Variants in LYPD6 observed in about 807,000 individuals in gnomAD.
The protein encoded by LYPD6 is ly6/PLAUR domain-containing protein 6.
LYPD6 carries 15 observed loss-of-function variants against 22.7 expected under a neutral mutation model. The ratio of observed to expected loss-of-function variants is 0.66; its 90% CI spans 0.44 to 1.02. The LOEUF (loss-of-function observed/expected upper bound fraction) is 1.02, where lower values mean the gene tolerates loss of function less well. LYPD6 is among the 50% of genes least tolerant of loss of function. The probability of loss-of-function intolerance (pLI) is 0.00; values close to 1 mark genes in which losing one functional copy is unlikely to be tolerated. For missense variants in LYPD6, 189 were observed against 208.4 expected (o/e 0.91, Z 0.57); for synonymous variants, 72 against 77.5 (o/e 0.93, Z 0.37).
intron 1 of LYPD6, among the ~76,000 whole-genome samples, chr2:149,359,577 G>A (rs1167677085): frequency 1.3e-5 from 2 of 152,172 alleles, no homozygotes; most frequent in African/African-American, 2.4e-5. Flanking sequence ...GCCCTGACTT[G>A]ACATCACTTG....
At chr2:149,394,223 G>C (rs1373290734) in intron 1 of LYPD6, among the ~76,000 whole-genome samples, 1 of 152,172 alleles carries the variant, frequency 6.6e-6, no homozygotes, top group African/African-American at 2.4e-5. Context: ...TTTTCCTCTG[G>C]ATGGAGGTGA....
intron 1 of LYPD6, among the ~76,000 whole-genome samples, chr2:149,402,769 G>A (rs1288187373): frequency 6.6e-6 from 1 of 151,552 alleles, no homozygotes; most frequent in African/African-American, 2.4e-5. Flanking sequence ...TAGGGTACAT[G>A]TGCACAACGT....
intron 1 of LYPD6, among the ~76,000 whole-genome samples, chr2:149,340,417 AC>A (rs1681138116): frequency 6.6e-6 from 1 of 152,180 alleles, no homozygotes; most frequent in Admixed American, 6.5e-5. Flanking sequence ...TTTTTCATCC[AC>A]AGGACTCTAC....
intron 1 of LYPD6, among the ~76,000 whole-genome samples, chr2:149,364,391 C>G (rs374045965): frequency 6.6e-6 from 1 of 152,086 alleles, no homozygotes; most frequent in Non-Finnish European, 1.5e-5. Flanking sequence ...CCTGACCAGA[C>G]CTGAATTCAT....
intron 1 of LYPD6, among the ~76,000 whole-genome samples, chr2:149,404,308 A>G (rs1026543279): frequency 6.6e-6 from 1 of 152,190 alleles, no homozygotes; most frequent in Admixed American, 6.5e-5. Context: ...CATTGAATCT[A>G]TAAATTACCT....
rs78787935 is a variant in LYPD6 at position 149,397,199 on chromosome 2, A to G, written c.-71-40439A>G. On this transcript the variant is annotated intron_variant, in intron 1 of 4. Transcript: ENST00000334166. ...ATGTATTATTATCTCTCATAGGTCT[A>G]TGAGTTGGCTGGGTTTAGCTGGGCA... is the stretch of plus-strand genomic sequence containing the variant. 1.3e-4 allele frequency among the ~76,000 whole-genome samples: 20 copies of G among 152,338 alleles called. No individual in the cohort carries two copies. In the East Asian group the frequency reaches 2.7e-3, roughly 21 times the overall value.
At chr2:149,404,034 C>T (rs569411320) in intron 1 of LYPD6, among the ~76,000 whole-genome samples, 45 of 152,172 alleles carry the variant, frequency 3.0e-4, no homozygotes, top group African/African-American at 1.1e-3. Flanking sequence ...TCAAAGATCA[C>T]ATAGTTGTAG....
rs1681335823 is a variant in LYPD6, at chr2:149,471,593, G to A, written c.*743G>A. On this transcript the variant is annotated 3_prime_UTR_variant, in exon 5 of 5. Coordinates refer to ENST00000334166, the MANE Select transcript of LYPD6 (RefSeq NM_194317.5). ...AATTGGTGAGATCAGCCTTCTCCTT[G>A]ACTTGGCACCTAATTATGCTTCATG... is the stretch of plus-strand genomic sequence containing the variant. 6.6e-6 allele frequency: 1 copy of A among 152,184 alleles called. No individual in the cohort carries two copies. The highest frequency in any genetic ancestry group is 1.5e-5 in the Non-Finnish European group (1 of 68,044). 9.4% of individuals were successfully genotyped at this position (152,184 alleles called of 1,614,324 possible). A position where few individuals can be genotyped will look rare whatever the true frequency, so the allele number is the denominator to read the frequency against.
rs372266312 is a variant in LYPD6 at position 149,392,571 on chromosome 2, T to C, written c.-71-45067T>C. Among the ~76,000 whole-genome samples the C allele has an allele frequency of 1.4e-4, 21 of 152,198 alleles. No individual in the cohort carries two copies. In the East Asian group the frequency reaches 3.7e-3, roughly 27 times the overall value. On this transcript the variant is annotated intron_variant, in intron 1 of 4. Transcript: ENST00000334166. ...AAGCTGTGACGGATGGGAGAGAGTGTTGTCCCCATTGCCATAAGCAGAATG... is the reference window on the plus strand; with the variant it reads ...AAGCTGTGACGGATGGGAGAGAGTGCTGTCCCCATTGCCATAAGCAGAATG...
At chr2:149,384,059 C>T (rs996215457) in intron 1 of LYPD6, among the ~76,000 whole-genome samples, 1 of 152,110 alleles carries the variant, frequency 6.6e-6, no homozygotes, top group African/African-American at 2.4e-5. Context: ...TCTTTTATTC[C>T]TGCTTATATT....
At chr2:149,429,513 A>T (rs1475988100) in intron 1 of LYPD6, among the ~76,000 whole-genome samples, 2 of 152,216 alleles carry the variant, frequency 1.3e-5, no homozygotes, top group Non-Finnish European at 1.5e-5. Context: ...CTTACAACCA[A>T]TGTGTTCTTA....
intron 1 of LYPD6, among the ~76,000 whole-genome samples, chr2:149,402,812 G>A (rs1682591647): frequency 6.6e-6 from 1 of 151,750 alleles, no homozygotes; most frequent in East Asian, 1.9e-4. Context: ...CATGTGCCAT[G>A]CTGGTGTGCT....
At chr2:149,386,334 C>G (rs1010983241) in intron 1 of LYPD6, among the ~76,000 whole-genome samples, 4 of 152,144 alleles carry the variant, frequency 2.6e-5, no homozygotes, top group African/African-American at 9.7e-5. Flanking sequence ...TCACCACATG[C>G]TTTAAATTTT....
intron 3 of LYPD6, among the ~76,000 whole-genome samples, chr2:149,453,881 G>A (rs554512723): frequency 6.6e-6 from 1 of 152,220 alleles, no homozygotes; most frequent in South Asian, 2.1e-4. Flanking sequence ...AGGAGTCTCT[G>A]TTGTCTCTCT....
At chr2:149,408,274 C>T (rs1682770661) in intron 1 of LYPD6, among the ~76,000 whole-genome samples, 2 of 152,180 alleles carry the variant, frequency 1.3e-5, no homozygotes, top group South Asian at 4.1e-4. Flanking sequence ...AGCTGTCAGA[C>T]AGGGACATTT....
chr2:149,360,680 C>T (rs1364593734), intron 1 of LYPD6, among the ~76,000 whole-genome samples: 1 of 151,492 alleles, frequency 6.6e-6, no homozygotes, highest in Admixed American at 6.6e-5. Context: ...AGTCCACTGT[C>T]TCCACTGCCT....
intron 1 of LYPD6, among the ~76,000 whole-genome samples, chr2:149,376,100 C>T (rs1015059966): frequency 6.6e-6 from 1 of 152,202 alleles, no homozygotes; most frequent in African/African-American, 2.4e-5. Context: ...GAAACCGCCT[C>T]AGAGCTGAAA....
At chr2:149,404,209 G>A (rs561961685) in intron 1 of LYPD6, among the ~76,000 whole-genome samples, 1 of 152,180 alleles carries the variant, frequency 6.6e-6, no homozygotes, top group South Asian at 2.1e-4. Context: ...TTGACTTGGC[G>A]ATGCGGGCTC....
chr2:149,415,668 T>G (rs1682946476), intron 1 of LYPD6, among the ~76,000 whole-genome samples: 1 of 151,932 alleles, frequency 6.6e-6, no homozygotes, highest in Non-Finnish European at 1.5e-5. Flanking sequence ...CACTAAACTG[T>G]AATTCTTTTT....
Sources: gnomAD v4.1 joint callset for allele counts (sites outside exome capture counted in the v4.1 genomes callset) on GRCh38, gnomAD v4.1.1 for gene constraint, MANE v1.5 for transcripts, NCBI Gene and HGNC (gene_info 2026-07-23, HGNC 2026-07-21) for gene names.